The following OCA2 variants were observed in gnomAD, a reference collection of about 807,000 sequenced individuals.
OCA2 encodes P protein.
A neutral mutation model predicts 100.2 loss-of-function variants in OCA2; 77 were observed. The observed-to-expected ratio is 0.77, with a 90% CI of 0.64 to 0.93. The LOEUF (loss-of-function observed/expected upper bound fraction) is 0.93, where lower values mean the gene tolerates loss of function less well. OCA2 is among the 40% of genes least tolerant of loss of function. OCA2 has a pLI of 0.00. For synonymous variants in OCA2, 432 were observed against 439.2 expected (o/e 0.98, Z 0.21); for missense variants, 1,062 against 1,089.1 (o/e 0.98, Z 0.35).
intron 2 of OCA2, among the ~76,000 whole-genome samples, chr15:28,033,727 A>G (rs2042972913): frequency 6.6e-6 from 1 of 152,196 alleles, no homozygotes; most frequent in East Asian, 1.9e-4. Context: ...ATTTGGAAGA[A>G]TCTCTCTGCC....
At chr15:27,804,732 G>A (rs1214263752) in intron 23 of OCA2, among the ~76,000 whole-genome samples, 1 of 152,172 alleles carries the variant, frequency 6.6e-6, no homozygotes, top group Non-Finnish European at 1.5e-5. Context: ...TGAAAAGAGG[G>A]CTGGGGCGCC....
chr15:28,011,155 T>G (rs1466514006), intron 9 of OCA2, among the ~76,000 whole-genome samples: 2 of 152,116 alleles, frequency 1.3e-5, no homozygotes, highest in Non-Finnish European at 2.9e-5. Flanking sequence ...CACTTAAAAC[T>G]CTCACACAAA....
chr15:27,793,634 C>T (rs538397004), intron 23 of OCA2, among the ~76,000 whole-genome samples: 17 of 152,320 alleles, frequency 1.1e-4, no homozygotes, highest in East Asian at 7.7e-4. Context: ...CCCTCCATCC[C>T]GCTCACGTGC....
At chr15:27,771,829 T>A (rs2151047351) in intron 23 of OCA2, among the ~76,000 whole-genome samples, 1 of 152,354 alleles carries the variant, frequency 6.6e-6, no homozygotes, top group South Asian at 2.1e-4. Flanking sequence ...CTACCTGTAC[T>A]ATCAATAATG....
In OCA2 at chr15:27,971,826, AT is replaced by A. The variant is rs76470826; in HGVS notation, c.1504-5005del. 0.021 allele frequency among the ~76,000 whole-genome samples: 3,130 copies of A among 151,560 alleles called. 854 individuals carry two copies. The East Asian group carries it at 0.57, about 28-fold the overall frequency. On this transcript the variant is annotated intron_variant, in intron 14 of 23. Transcript: ENST00000354638. ...ACATAAGTATTCATTTTCTTTGTGAATTTTTTTTTCATTAGCTTTAGGGGTG... is the reference window on the plus strand; with the variant it reads ...ACATAAGTATTCATTTTCTTTGTGAATTTTTTTTCATTAGCTTTAGGGGTG...
At chr15:27,796,877 C>CA (rs2033365451) in intron 23 of OCA2, among the ~76,000 whole-genome samples, 1 of 152,188 alleles carries the variant, frequency 6.6e-6, no homozygotes, top group South Asian at 2.1e-4. Context: ...CGTGTCCCTC[C>CA]AATCACAAGC....
At chr15:27,998,991 T>C (rs923237218) in intron 9 of OCA2, among the ~76,000 whole-genome samples, 16 of 151,870 alleles carry the variant, frequency 1.1e-4, no homozygotes, top group African/African-American at 2.9e-4. Context: ...TAGATGGGAA[T>C]TGAACAATGA....
intron 9 of OCA2, among the ~76,000 whole-genome samples, chr15:27,999,469 C>A (rs866123222): frequency 6.6e-6 from 1 of 152,096 alleles, no homozygotes; most frequent in South Asian, 2.1e-4. Flanking sequence ...TGTACCACAA[C>A]GTAATAAAGA....
chr15:27,952,842 C>T (rs2040081807), intron 17 of OCA2, among the ~76,000 whole-genome samples: 1 of 151,974 alleles, frequency 6.6e-6, no homozygotes. Context: ...ACCACCATGC[C>T]CAGCTAGTTT....
intron 23 of OCA2, among the ~76,000 whole-genome samples, chr15:27,764,585 G>A (rs946484622): frequency 4.4e-4 from 67 of 152,090 alleles, no homozygotes; most frequent in African/African-American, 1.6e-3. Flanking sequence ...GGACTCAGCC[G>A]CCCATGCATT....
chr15:27,738,538 A>G, the OCA2 span, among the ~76,000 whole-genome samples: 1 of 152,154 alleles, frequency 6.6e-6, no homozygotes, highest in African/African-American at 2.4e-5. Context: ...GATCGAGACC[A>G]TCCTGGCTAA....
At chr15:27,852,536 C>A (rs1314895065) in intron 21 of OCA2, among the ~76,000 whole-genome samples, 1 of 152,106 alleles carries the variant, frequency 6.6e-6, no homozygotes, top group Non-Finnish European at 1.5e-5. Flanking sequence ...GTCTAAAACA[C>A]CAAAAGCAAT....
chr15:27,770,159 G>GA (rs2151028850), intron 23 of OCA2, among the ~76,000 whole-genome samples: 1 of 152,358 alleles, frequency 6.6e-6, no homozygotes, highest in East Asian at 1.9e-4. Context: ...TCGGTCCCTG[G>GA]AAACAAAGCT....
At position 28,014,406 on chromosome 15, in the gene OCA2, G is replaced by A. The variant is rs528840566; in HGVS notation, c.1044+370C>T. 8.0e-4 allele frequency among the ~76,000 whole-genome samples: 122 copies of A among 152,274 alleles called. 1 individual carries two copies. Among genetic ancestry groups the A allele is most frequent in the African/African-American group, 2.8e-3 (115 of 41,556 alleles). On this transcript the variant is annotated intron_variant, in intron 9 of 23. Transcript: ENST00000354638. The stretch of plus-strand genomic sequence containing the variant: ...ACACAACCCCACGGTGCAGGTGGGC[G>A]CAAATGAGCACACCCATCACACAGG...
chr15:28,046,679 G>A (rs921674007), intron 2 of OCA2, among the ~76,000 whole-genome samples: 3 of 152,130 alleles, frequency 2.0e-5, no homozygotes, highest in African/African-American at 4.8e-5. Flanking sequence ...ACAACAACAG[G>A]ACAGGGTACC....
chr15:27,966,878 G>A lies in OCA2; in HGVS notation c.1504-56C>T. ...AGCCCAGGCATGGTGGCTCACGCCT[G>A]TAATCCCAGCACTTTCCGAGGTGGG... is the stretch of plus-strand genomic sequence containing the variant. On this transcript the variant is annotated intron_variant, in intron 14 of 23. Coordinates refer to ENST00000354638, the MANE Select transcript of OCA2 (RefSeq NM_000275.3). The A allele has an allele frequency of 2.6e-6, 4 of 1,560,174 alleles. No homozygotes were observed. The South Asian group carries it at 4.6e-5, about 18-fold the overall frequency.
chr15:27,991,938 A>C (rs912696527), intron 9 of OCA2, among the ~76,000 whole-genome samples: 2 of 152,204 alleles, frequency 1.3e-5, no homozygotes, highest in Non-Finnish European at 2.9e-5. Flanking sequence ...CTAGATTCAA[A>C]GTTCATTTTC....
intron 19 of OCA2, among the ~76,000 whole-genome samples, chr15:27,889,962 T>C (rs2037387512): frequency 6.6e-6 from 1 of 152,190 alleles, no homozygotes; most frequent in Non-Finnish European, 1.5e-5. Context: ...TTCTGAAGGC[T>C]GGAAGTCCAA....
chr15:27,991,750 T>C (rs556717102), intron 9 of OCA2, among the ~76,000 whole-genome samples: 25 of 152,300 alleles, frequency 1.6e-4, no homozygotes, highest in African/African-American at 6.0e-4. Flanking sequence ...ACAAAAAGAA[T>C]GTGGCAAGAA....
Sources: gnomAD v4.1 joint callset for allele counts (sites outside exome capture counted in the v4.1 genomes callset) on GRCh38, gnomAD v4.1.1 for gene constraint, MANE v1.5 for transcripts, NCBI Gene and HGNC (gene_info 2026-07-23, HGNC 2026-07-21) for gene names.